Variants in OPCML observed in about 807,000 individuals in gnomAD.
The protein encoded by OPCML is opioid binding protein/cell adhesion molecule like.
OPCML carries 13 observed loss-of-function variants against 37.8 expected under a neutral mutation model. The ratio of observed to expected loss-of-function variants is 0.34; its 90% confidence interval spans 0.22 to 0.55. The LOEUF is 0.55. OPCML is among the 20% of genes least tolerant of loss of function. The pLI, the probability that OPCML is intolerant of heterozygous loss-of-function variation, is 0.91. For synonymous variants in OPCML, 176 were observed against 168.8 expected (o/e 1.04, Z -0.33); for missense variants, 341 against 435.6 (o/e 0.78, Z 1.93).
At chr11:132,944,439 A>G (rs1295611114) in intron 1 of OPCML, among the ~76,000 whole-genome samples, 1 of 152,108 alleles carries the variant, frequency 6.6e-6, no homozygotes, top group Non-Finnish European at 1.5e-5. Flanking sequence ...GCCCGCGCAG[A>G]GGTGGAGTGC....
At chr11:132,607,754 T>C (rs1321960314) in intron 3 of OPCML, among the ~76,000 whole-genome samples, 1 of 152,184 alleles carries the variant, frequency 6.6e-6, no homozygotes, top group Non-Finnish European at 1.5e-5. Context: ...ACACTATTGA[T>C]AGCACTACCA....
At chr11:133,069,704 C>T (rs1265726435) in intron 1 of OPCML, among the ~76,000 whole-genome samples, 2 of 152,190 alleles carry the variant, frequency 1.3e-5, no homozygotes, top group East Asian at 1.9e-4. Context: ...ACAGCACTCC[C>T]GTTTCCTGGG....
intron 1 of OPCML, among the ~76,000 whole-genome samples, chr11:132,999,827 CAG>C (rs1025362202): frequency 2.0e-5 from 3 of 152,092 alleles, no homozygotes; most frequent in African/African-American, 4.8e-5. Context: ...GGAAAGGCGA[CAG>C]GGGTCTATCT....
At chr11:133,037,964 T>G (rs1169645183) in intron 1 of OPCML, among the ~76,000 whole-genome samples, 2 of 152,252 alleles carry the variant, frequency 1.3e-5, no homozygotes, top group Non-Finnish European at 2.9e-5. Context: ...CTCAGTGTGC[T>G]GGTCTCCTAA....
intron 3 of OPCML, among the ~76,000 whole-genome samples, chr11:132,554,657 G>C (rs944520483): frequency 1.3e-5 from 2 of 152,098 alleles, no homozygotes; most frequent in African/African-American, 4.8e-5. Flanking sequence ...TACCAGGCCA[G>C]AGCTTTCACT....
At chr11:132,674,504 A>G (rs1224187200) in intron 2 of OPCML, among the ~76,000 whole-genome samples, 1 of 152,188 alleles carries the variant, frequency 6.6e-6, no homozygotes, top group Non-Finnish European at 1.5e-5. Context: ...TGATCTCTTG[A>G]CAAAAGAAAA....
chr11:133,195,275 T>C (rs1938492609), intron 1 of OPCML, among the ~76,000 whole-genome samples: 2 of 152,176 alleles, frequency 1.3e-5, no homozygotes, highest in African/African-American at 4.8e-5. Flanking sequence ...CCACCATTAT[T>C]CTAATCCATA....
intron 1 of OPCML, among the ~76,000 whole-genome samples, chr11:133,494,738 G>A (rs200784291): frequency 2.0e-5 from 2 of 102,032 alleles, no homozygotes; most frequent in Non-Finnish European, 3.7e-5. Context: ...GGGGGACGGG[G>A]GAGGGATAGC....
At chr11:132,834,357 C>T (rs1940889873) in intron 2 of OPCML, among the ~76,000 whole-genome samples, 1 of 152,152 alleles carries the variant, frequency 6.6e-6, no homozygotes, top group Non-Finnish European at 1.5e-5. Context: ...ATGCTAAGTC[C>T]CATCTGAATA....
chr11:133,252,214 C>A (rs1394684316), intron 1 of OPCML, among the ~76,000 whole-genome samples: 1 of 152,122 alleles, frequency 6.6e-6, no homozygotes, highest in Non-Finnish European at 1.5e-5. Flanking sequence ...CACATACATA[C>A]ATATTCTTTA....
At chr11:133,214,942 A>G (rs538240975) in intron 1 of OPCML, among the ~76,000 whole-genome samples, 1 of 152,354 alleles carries the variant, frequency 6.6e-6, no homozygotes, top group African/African-American at 2.4e-5. Context: ...CACCCAGAGC[A>G]TATAAATAGA....
intron 3 of OPCML, among the ~76,000 whole-genome samples, chr11:132,564,483 T>C (rs1156771678): frequency 1.3e-5 from 2 of 152,216 alleles, no homozygotes; most frequent in African/African-American, 4.8e-5. Context: ...ATTTTTCTTA[T>C]GCAAGAAGGG....
chr11:133,021,384 C>A (rs1023890373), intron 1 of OPCML, among the ~76,000 whole-genome samples: 1 of 152,086 alleles, frequency 6.6e-6, no homozygotes, highest in Non-Finnish European at 1.5e-5. Flanking sequence ...CCCCAGGGTA[C>A]GCTTCTATTC....
chr11:132,506,686 C>A (rs887892564), intron 4 of OPCML, among the ~76,000 whole-genome samples: 4 of 152,056 alleles, frequency 2.6e-5, no homozygotes, highest in Admixed American at 6.5e-5. Context: ...ACACAGGCTG[C>A]AAATGCTCCT....
chr11:132,705,377 G>A (rs1943991719), intron 2 of OPCML, among the ~76,000 whole-genome samples: 1 of 152,018 alleles, frequency 6.6e-6, no homozygotes, highest in Admixed American at 6.6e-5. Context: ...GATCACTTGA[G>A]CTCAGGAGTT....
At chr11:133,328,656 T>TA (rs1462143109) in intron 1 of OPCML, among the ~76,000 whole-genome samples, 1 of 152,132 alleles carries the variant, frequency 6.6e-6, no homozygotes, top group Non-Finnish European at 1.5e-5. Flanking sequence ...GCTCACAATC[T>TA]AAAAAATGTT....
chr11:132,968,895 C>A (rs1946276106), intron 1 of OPCML, among the ~76,000 whole-genome samples: 1 of 152,122 alleles, frequency 6.6e-6, no homozygotes, highest in South Asian at 2.1e-4. Flanking sequence ...ACTTCTAGTA[C>A]AATGTTTAAA....
At chr11:133,248,627 C>T (rs1262034174) in intron 1 of OPCML, among the ~76,000 whole-genome samples, 1 of 152,182 alleles carries the variant, frequency 6.6e-6, no homozygotes, top group Non-Finnish European at 1.5e-5. Context: ...TGAGGTTCTG[C>T]AGGGCACTTG....
chr11:133,084,857 T>C (rs1261297758), intron 1 of OPCML, among the ~76,000 whole-genome samples: 1 of 152,208 alleles, frequency 6.6e-6, no homozygotes, highest in Non-Finnish European at 1.5e-5. Flanking sequence ...GCATCTACCA[T>C]ACAATATAGA....
Sources: allele counts gnomAD v4.1 joint callset (sites outside exome capture counted in the v4.1 genomes callset), GRCh38; gene constraint gnomAD v4.1.1; transcripts MANE v1.5; gene names NCBI Gene and HGNC (gene_info 2026-07-23, HGNC 2026-07-21).